The following KNDC1 variants were observed in gnomAD, a reference collection of about 807,000 sequenced individuals.
The protein encoded by KNDC1 is kinase non-catalytic C-lobe domain-containing protein 1.
KNDC1 carries 106 observed loss-of-function variants against 172.8 expected under a neutral mutation model. The observed-to-expected ratio is 0.61, with a 90% confidence interval of 0.52 to 0.72. The LOEUF (loss-of-function observed/expected upper bound fraction) is 0.72, where lower values mean the gene tolerates loss of function less well. Ranked by LOEUF, KNDC1 falls within the 30% of genes least tolerant of loss-of-function variation. KNDC1 has a pLI of 0.00. For synonymous variants in KNDC1, 1,083 were observed against 1,062.2 expected (o/e 1.02, Z -0.38); for missense variants, 2,325 against 2,394.5 (o/e 0.97, Z 0.61).
Position 133,224,305 on chromosome 10 carries a change from C to T in KNDC1, c.5019-354C>T, listed in dbSNP as rs1033996664. 3.9e-5 allele frequency among the ~76,000 whole-genome samples: 6 copies of T among 152,212 alleles called. No homozygotes were observed. The highest frequency in any genetic ancestry group is 7.2e-5 in the African/African-American group (3 of 41,448). On this transcript the variant is annotated intron_variant, in intron 29 of 29. Transcript: ENST00000304613. The surrounding 1 kb of genome is among the most constrained non-coding windows in gnomAD (Gnocchi z 5.4). The stretch of plus-strand genomic sequence containing the variant: ...GGCGATTCCCAGGTGTGAATGTGAA[C>T]GCTCTGCACGGCAGCAGAGAGTCCC...
At chr10:133,190,580 C>G (rs1204817344) in intron 9 of KNDC1, among the ~76,000 whole-genome samples, 1 of 152,226 alleles carries the variant, frequency 6.6e-6, no homozygotes, top group African/African-American at 2.4e-5. Context: ...GGTAAAGAAG[C>G]CGGTGACCGG....
At chr10:133,189,719 G>A (rs1388880261) in intron 8 of KNDC1, 33 bp from the exon 9 acceptor site, 1 of 1,613,998 alleles carries the variant, frequency 6.2e-7, no homozygotes. Context: ...GCTCGCCAGG[G>A]GTGAGGAAAG....
chr10:133,205,545 G>A (rs1239916026), intron 17 of KNDC1, among the ~76,000 whole-genome samples: 1 of 152,238 alleles, frequency 6.6e-6, no homozygotes, highest in African/African-American at 2.4e-5. Flanking sequence ...CCCAAGGGCT[G>A]GGGCAAACGC....
At chr10:133,172,362 T>G (rs1030176595) in intron 3 of KNDC1, among the ~76,000 whole-genome samples, 1 of 152,270 alleles carries the variant, frequency 6.6e-6, no homozygotes, top group Non-Finnish European at 1.5e-5. Flanking sequence ...GATTTTCATA[T>G]TCACATCTTT....
In KNDC1 at chr10:133,203,589, G is replaced by T. The variant is rs1179445038; in HGVS notation, c.3387+1691G>T. On this transcript the variant is annotated intron_variant, in intron 17 of 29. Transcript: ENST00000304613. ...TGACCCCCACCTACTGGTGCCGGCC[G>T]TGTGTGCTGGGCTCAGCACTGCGGG... is the stretch of plus-strand genomic sequence containing the variant. 4.6e-5 allele frequency among the ~76,000 whole-genome samples: 7 copies of T among 152,156 alleles called. No homozygotes were observed. The East Asian group carries it at 5.8e-4, about 13-fold the overall frequency.
In KNDC1 at chr10:133,163,264, G is replaced by C. The variant is rs1853036247; in HGVS notation, c.102+2695G>C. Among the ~76,000 whole-genome samples, 1 of 152,200 alleles carries C rather than the reference G, an allele frequency of 6.6e-6. No individual in the cohort carries two copies. The highest frequency in any genetic ancestry group is 2.4e-5 in the African/African-American group (1 of 41,430). On this transcript the variant is annotated intron_variant, in intron 1 of 29. Coordinates refer to ENST00000304613, the MANE Select transcript of KNDC1 (RefSeq NM_152643.8). This position sits in a 1 kb window ranked among gnomAD's most constrained non-coding sequence, Gnocchi z 4.4. ...AGAGCAGGACGTGTCCCGGGTCCCT[G>C]AGAGGCAGGCAGCACTATCATCCCT...
At chr10:133,195,586 G>A in intron 9 of KNDC1, 77 bp from the exon 10 acceptor site, 1 of 1,364,522 alleles carries the variant, frequency 7.3e-7, no homozygotes, top group Non-Finnish European at 9.7e-7. Flanking sequence ...CCCTCAGGGT[G>A]CCTGAGGTGG....
rs1853052628 is a variant in KNDC1, at chr10:133,163,704, T to C, written c.102+3135T>C. 6.6e-6 allele frequency among the ~76,000 whole-genome samples: 1 copy of C among 152,134 alleles called. No homozygotes were observed. Among genetic ancestry groups the C allele is most frequent in the Admixed American group, 6.5e-5 (1 of 15,274 alleles). On this transcript the variant is annotated intron_variant, in intron 1 of 29. Transcript: ENST00000304613. The surrounding 1 kb of genome is among the most constrained non-coding windows in gnomAD (Gnocchi z 4.4). Reference sequence around the variant, plus strand: ...GTGTAACCCTGGCTCGAAGTCTGCCTGGCAGTGTGGCGGGGGGTGTGGGAG... The same window carrying C: ...GTGTAACCCTGGCTCGAAGTCTGCCCGGCAGTGTGGCGGGGGGTGTGGGAG...
In KNDC1 at chr10:133,195,787, C is replaced by A; in HGVS notation, c.1700C>A (p.Ala567Asp). Residue 567 changes from alanine (A) to aspartate (D), a missense_variant, in exon 10 of 30, where the codon GCC (alanine) becomes GAC (aspartate). Transcript: ENST00000304613. Reference protein sequence around the residue: ...TLLLDMARRSAPERPSAAEAI... With the variant: ...TLLLDMARRSDPERPSAAEAI... ...CTCCTGGACATGGCCAGGCGCAGTG[C>A]CCCGGAGCGGCCGTCCGCGGCTGAG... The A allele has an allele frequency of 6.3e-7, 1 of 1,593,294 alleles. No individual in the cohort carries two copies. The highest frequency in any genetic ancestry group is 8.5e-7 in the Non-Finnish European group (1 of 1,170,666).
chr10:133,204,081 C>T (rs541971361), intron 17 of KNDC1, among the ~76,000 whole-genome samples: 64 of 152,194 alleles, frequency 4.2e-4, no homozygotes, highest in African/African-American at 9.9e-4. Context: ...TGGAGCCTGG[C>T]GCCGGTGACC....
At chr10:133,219,927 C>T (rs1230387797) in intron 28 of KNDC1, 28 bp from the exon 29 acceptor site, 1 of 1,542,798 alleles carries the variant, frequency 6.5e-7, no homozygotes, top group South Asian at 1.2e-5. Flanking sequence ...CTGTCTCTCC[C>T]CGGCCCACGC....
chr10:133,200,573 CG>C lies in KNDC1; in HGVS notation c.2989+117del, dbSNP rs1253324909. On this transcript the variant is annotated intron_variant, in intron 16 of 29. Transcript: ENST00000304613. ...GCAGCCTCAGACTGCACTGCTCCAG[CG>C]GGGCTGCCTTTGCCCCGGGGGTGCC... The C allele has an allele frequency of 3.5e-6, 3 of 868,862 alleles. No homozygotes were observed. In the African/African-American group the frequency reaches 5.4e-5, roughly 16 times the overall value. The allele number at this position is 868,862 out of a possible 1,614,324, so 53.8% of individuals were successfully genotyped here.
rs1013815782 is a variant in KNDC1, at chr10:133,163,657, G to A, written c.102+3088G>A. Among the ~76,000 whole-genome samples the A allele has an allele frequency of 5.3e-5, 8 of 152,276 alleles. No individual in the cohort carries two copies. The South Asian group carries it at 8.3e-4, about 16-fold the overall frequency. ...TCATAAGACAGTGTATTTCAAATGC[G>A]CCACACGATCTAGGCGTCCCTGTGT... is the stretch of plus-strand genomic sequence containing the variant. On this transcript the variant is annotated intron_variant, in intron 1 of 29. Coordinates refer to ENST00000304613, the MANE Select transcript of KNDC1 (RefSeq NM_152643.8). This position sits in a 1 kb window ranked among gnomAD's most constrained non-coding sequence, Gnocchi z 4.4.
chr10:133,167,862 G>A (rs1382748412), intron 2 of KNDC1, among the ~76,000 whole-genome samples: 2 of 152,212 alleles, frequency 1.3e-5, no homozygotes, highest in African/African-American at 2.4e-5. Flanking sequence ...CCTAAGGGCA[G>A]GCTATGCCCC....
intron 17 of KNDC1, among the ~76,000 whole-genome samples, chr10:133,204,707 T>C (rs916040946): frequency 6.6e-6 from 1 of 152,184 alleles, no homozygotes. Context: ...ACCCTGTCAA[T>C]AGCAGAGTCA....
In KNDC1 at chr10:133,201,642, G is replaced by A. The variant is rs747858686; in HGVS notation, c.3131G>A (p.Arg1044Lys). 1.7e-5 allele frequency: 28 copies of A among 1,612,954 alleles called. No homozygotes were observed. The highest frequency in any genetic ancestry group is 3.3e-5 in the Admixed American group (2 of 60,006). The change falls in exon 17 of 30, where the codon AGA (arginine) becomes AAA (lysine). Residue 1044 changes from arginine (R) to lysine (K), a missense_variant. Arg to Lys is a conservative substitution (Grantham distance 26). Coordinates refer to ENST00000304613, the MANE Select transcript of KNDC1 (RefSeq NM_152643.8). ...CCTCAGAGGTCCGTAAAAGCCGAGAGAGCGCAGCAGCCTGAGGCTGGCGAG... is the reference window on the plus strand; with the variant it reads ...CCTCAGAGGTCCGTAAAAGCCGAGAAAGCGCAGCAGCCTGAGGCTGGCGAG... The part of the protein sequence containing the change: ...FRPQRSVKAE[R>K]AQQPEAGEDR...
intron 6 of KNDC1, among the ~76,000 whole-genome samples, chr10:133,187,272 C>G (rs991418348): frequency 6.6e-6 from 1 of 152,262 alleles, no homozygotes; most frequent in East Asian, 1.9e-4. Context: ...TCAGCTGCTC[C>G]TCACGAGGGA....
At chr10:133,177,905 AGT>A (rs753597664) in intron 3 of KNDC1, among the ~76,000 whole-genome samples, 1,284 of 51,906 alleles carry the variant, frequency 0.025, 8 homozygotes, top group Non-Finnish European at 0.052. Flanking sequence ...ATGTGTGTGC[AGT>A]GTGTGTGTGC....
chr10:133,183,207 T>A, intron 3 of KNDC1, 137 bp from the exon 4 acceptor site: 4 of 1,098,856 alleles, frequency 3.6e-6, no homozygotes, highest in Non-Finnish European at 5.0e-6. Flanking sequence ...GTGGGCAGCG[T>A]GGGCACGGGT....
Sources: allele counts gnomAD v4.1 joint callset (sites outside exome capture counted in the v4.1 genomes callset), GRCh38; gene constraint gnomAD v4.1.1; non-coding constraint Gnocchi (gnomAD v3.1); transcripts MANE v1.5; gene names NCBI Gene and HGNC (gene_info 2026-07-23, HGNC 2026-07-21).